CRMP1: variants seen among roughly 807,000 people sequenced by gnomAD.
CRMP1 encodes the protein dihydropyrimidinase-related protein 1.
In CRMP1, 19 loss-of-function variants were observed where a neutral mutation model predicts 68.3. The ratio of observed to expected loss-of-function variants is 0.28; its 90% confidence interval spans 0.19 to 0.41. CRMP1 has a LOEUF of 0.41. Among genes scored for constraint, CRMP1 ranks in the 10% least tolerant of loss-of-function variants. The pLI, the probability that CRMP1 is intolerant of heterozygous loss-of-function variation, is 1.00. For missense variants in CRMP1, 791 were observed against 967.4 expected, an observed-to-expected ratio of 0.82 and a Z score of 2.42; for synonymous variants, 439 against 399.6, an observed-to-expected ratio of 1.10 and a Z score of -1.18.
Position 5,892,011 on chromosome 4 carries a change from G to A in CRMP1, c.381+578C>T, listed in dbSNP as rs1205361152. On this transcript the variant is annotated intron_variant, in intron 1 of 13. Transcript: ENST00000324989. This position sits in a 1 kb window ranked among gnomAD's most constrained non-coding sequence, Gnocchi z 8.6. ...TAGGGGTTTACGGCTCCAACTGCCC[G>A]ACGAACTAAATCCTTAACCAAATCC... 1.3e-5 allele frequency among the ~76,000 whole-genome samples: 2 copies of A among 152,138 alleles called. No homozygotes were observed. Among genetic ancestry groups the A allele is most frequent in the African/African-American group, 2.4e-5 (1 of 41,434 alleles).
chr4:5,851,838 G>A (rs1166534341), intron 4 of CRMP1, among the ~76,000 whole-genome samples: 1 of 150,008 alleles, frequency 6.7e-6, no homozygotes, highest in Non-Finnish European at 1.5e-5. Flanking sequence ...AGAAGGAGAA[G>A]GGGAGGAGGA....
At position 5,820,874 on chromosome 4, in the gene CRMP1, T is replaced by C. The variant is rs1718416943; in HGVS notation, c.*886A>G. On this transcript the variant is annotated 3_prime_UTR_variant, in exon 14 of 14. Transcript: ENST00000324989. ...GTTGGTTGTTAAGTAAAAATGGGAGTGATTACAAAGGAAAACTTTGTACAA... is the reference window on the plus strand; with the variant it reads ...GTTGGTTGTTAAGTAAAAATGGGAGCGATTACAAAGGAAAACTTTGTACAA... 1 of 151,986 alleles carries C rather than the reference T, an allele frequency of 6.6e-6. No individual in the cohort carries two copies. Among genetic ancestry groups the C allele is most frequent in the African/African-American group, 2.4e-5 (1 of 41,326 alleles). The allele number at this position is 151,986 out of a possible 1,614,324, so 9.4% of individuals were successfully genotyped here.
Position 5,828,663 on chromosome 4 carries a change from C to T in CRMP1, c.1629G>A (p.Val543=). 2 of 1,613,458 alleles carry T rather than the reference C, an allele frequency of 1.2e-6. No homozygotes were observed. The highest frequency in any genetic ancestry group is 1.7e-6 in the Non-Finnish European group (2 of 1,179,406). The stretch of plus-strand genomic sequence containing the variant: ...CCATACCCTCGAAGATGTTGTACTC[C>T]ACCGCCTGCACCAACAGCCTCAGTG... ...TITAKSHKSA[V]EYNIFEGMEC... Residue 543 remains valine (V), a synonymous_variant, in exon 12 of 14, where the codon GTG becomes GTA. Coordinates refer to ENST00000324989, the MANE Select transcript of CRMP1 (RefSeq NM_001014809.3).
intron 3 of CRMP1, 43 bp from the exon 4 acceptor site, chr4:5,856,350 G>A: frequency 6.3e-7 from 1 of 1,577,914 alleles, no homozygotes; most frequent in Non-Finnish European, 8.6e-7. Context: ...AGACTCAAGT[G>A]TTCCAATGGT....
intron 12 of CRMP1, 44 bp downstream of exon 12, chr4:5,828,445 C>T (rs1720031834): frequency 1.3e-6 from 2 of 1,598,234 alleles, no homozygotes; most frequent in Middle Eastern, 1.8e-4. Flanking sequence ...ACGCTGTCGG[C>T]TCTGGTCCCA....
rs1308909151 is a variant in CRMP1 at position 5,888,588 on chromosome 4, C to G, written c.381+4001G>C. 5.7e-5 allele frequency: 61 copies of G among 1,069,986 alleles called. No individual in the cohort carries two copies. Among genetic ancestry groups the G allele is most frequent in the Non-Finnish European group, 6.7e-5 (59 of 884,956 alleles). 66.3% of individuals were successfully genotyped at this position (1,069,986 alleles called of 1,614,324 possible). ...GAAGCCGGATTCGCCCCTCTCGGCT[C>G]GAACCAGGAAGCGCTTCCCTTCCGA... On this transcript the variant is annotated intron_variant, in intron 1 of 13. Transcript: ENST00000324989. The surrounding 1 kb of genome is among the most constrained non-coding windows in gnomAD (Gnocchi z 6.4).
At chr4:5,849,543 A>G in intron 5 of CRMP1, 71 bp from the exon 6 acceptor site, 1 of 1,077,524 alleles carries the variant, frequency 9.3e-7, no homozygotes, top group South Asian at 1.3e-5. Flanking sequence ...TGCATTCATG[A>G]AGACCGTTCC....
chr4:5,830,035 A>C (rs533289403), intron 11 of CRMP1, among the ~76,000 whole-genome samples: 1 of 152,206 alleles, frequency 6.6e-6, no homozygotes, highest in East Asian at 1.9e-4. Context: ...TAAACTCCTG[A>C]TCTCAGTTGC....
In CRMP1 at chr4:5,888,698, G is replaced by A; in HGVS notation, c.381+3891C>T. On this transcript the variant is annotated intron_variant, in intron 1 of 13. Transcript: ENST00000324989. This position sits in a 1 kb window ranked among gnomAD's most constrained non-coding sequence, Gnocchi z 6.4. ...CACGCCCTTGGCGGGCCCTGGCCTC[G>A]CTCTCGCGATCCAGAGAGTATGGTT... The A allele has an allele frequency of 1.2e-6, 1 of 848,746 alleles. No homozygotes were observed. Among genetic ancestry groups the A allele is most frequent in the Non-Finnish European group, 1.4e-6 (1 of 711,190 alleles). The allele number at this position is 848,746 out of a possible 1,614,324, so 52.6% of individuals were successfully genotyped here. A position where few individuals can be genotyped will look rare whatever the true frequency, so the allele number is the denominator to read the frequency against.
In CRMP1 at chr4:5,821,710, T is replaced by TG; in HGVS notation, c.*49dup. On this transcript the variant is annotated 3_prime_UTR_variant, in exon 14 of 14. Coordinates refer to ENST00000324989, the MANE Select transcript of CRMP1 (RefSeq NM_001014809.3). This position sits in a 1 kb window ranked among gnomAD's most constrained non-coding sequence, Gnocchi z 4.4. Reference sequence around the variant, plus strand: ...TCAAAAACACTGACAGGAAAAGGGATGGACATGATTCCCAGAATCCTTCAG... The same window carrying TG: ...TCAAAAACACTGACAGGAAAAGGGATGGGACATGATTCCCAGAATCCTTCAG... 6.6e-7 allele frequency: 1 copy of TG among 1,514,732 alleles called. No homozygotes were observed. The allele number at this position is 1,514,732 out of a possible 1,614,324, so 93.8% of individuals were successfully genotyped here.
At chr4:5,845,931 G>A (rs1466741575) in intron 6 of CRMP1, among the ~76,000 whole-genome samples, 3 of 152,132 alleles carry the variant, frequency 2.0e-5, no homozygotes, top group African/African-American at 7.2e-5. Context: ...ACAGCCCCTT[G>A]TTAAGAACTC....
In CRMP1 at chr4:5,843,040, G is replaced by A. The variant is rs79384752; in HGVS notation, c.1032+53C>T. On this transcript the variant is annotated intron_variant, in intron 7 of 13. Transcript: ENST00000324989. The surrounding 1 kb of genome is among the most constrained non-coding windows in gnomAD (Gnocchi z 4.1). Reference sequence around the variant, plus strand: ...CTACTCCAGCTGGAACAGCATCAAGGTGAGTGCTCAGTGGTGAGTGTCAGA... The same window carrying A: ...CTACTCCAGCTGGAACAGCATCAAGATGAGTGCTCAGTGGTGAGTGTCAGA... The A allele has an allele frequency of 9.1e-4, 1,417 of 1,549,470 alleles. 14 individuals are homozygous for A. The African/African-American group carries it at 0.017, about 19-fold the overall frequency.
At chr4:5,847,679 G>A (rs970584668) in intron 6 of CRMP1, among the ~76,000 whole-genome samples, 3 of 152,184 alleles carry the variant, frequency 2.0e-5, no homozygotes, top group African/African-American at 7.2e-5. Flanking sequence ...TAGATCTCCA[G>A]CACTGAACCA....
Position 5,858,428 on chromosome 4 carries a change from T to C in CRMP1, c.656-2121A>G. 6.6e-6 allele frequency among the ~76,000 whole-genome samples: 1 copy of C among 151,598 alleles called. No individual in the cohort carries two copies. Among genetic ancestry groups the C allele is most frequent in the South Asian group, 2.1e-4 (1 of 4,804 alleles). The stretch of plus-strand genomic sequence containing the variant: ...CTCCCCACCCCGACCCCAGCTGTGG[T>C]GGACATCACCAACCAACGGTTCCAC... On this transcript the variant is annotated intron_variant, in intron 3 of 13. Transcript: ENST00000324989. The surrounding 1 kb of genome is among the most constrained non-coding windows in gnomAD (Gnocchi z 5.5).
chr4:5,868,793 A>G (rs1447936967), intron 1 of CRMP1, among the ~76,000 whole-genome samples: 1 of 152,142 alleles, frequency 6.6e-6, no homozygotes, highest in African/African-American at 2.4e-5. Context: ...TGTTAGGCAA[A>G]GTTCTCAGAA....
At position 5,843,843 on chromosome 4, in the gene CRMP1, G is replaced by A. The variant is rs1468080165; in HGVS notation, c.964-682C>T. ...TCTTCCTGGCATCTGTCTTTATGGC[G>A]GGAAACCACTACCTGAAACTTATCA... On this transcript the variant is annotated intron_variant, in intron 6 of 13. Coordinates refer to ENST00000324989, the MANE Select transcript of CRMP1 (RefSeq NM_001014809.3). This position sits in a 1 kb window ranked among gnomAD's most constrained non-coding sequence, Gnocchi z 4.1. Among the ~76,000 whole-genome samples the A allele has an allele frequency of 6.6e-6, 1 of 152,058 alleles. No individual in the cohort carries two copies. The highest frequency in any genetic ancestry group is 1.9e-4 in the East Asian group (1 of 5,192).
Position 5,861,009 on chromosome 4 carries a change from G to A in CRMP1, c.655+17C>T. ...CTCACAGTCTATGTCCCTAAGGCAG[G>A]GGACAGTGTCACTCACTGATCATCG... On this transcript the variant is annotated intron_variant, in intron 3 of 13. Coordinates refer to ENST00000324989, the MANE Select transcript of CRMP1 (RefSeq NM_001014809.3). This position sits in a 1 kb window ranked among gnomAD's most constrained non-coding sequence, Gnocchi z 6.0. 1 of 1,612,408 alleles carries A rather than the reference G, an allele frequency of 6.2e-7. No homozygotes were observed. Among genetic ancestry groups the A allele is most frequent in the Non-Finnish European group, 8.5e-7 (1 of 1,179,346 alleles).
chr4:5,852,932 A>G (rs1462990004), intron 4 of CRMP1, among the ~76,000 whole-genome samples: 1 of 152,100 alleles, frequency 6.6e-6, no homozygotes, highest in Non-Finnish European at 1.5e-5. Context: ...TCACTCACAC[A>G]GCCCCAAGAG....
At chr4:5,851,581 G>A in intron 4 of CRMP1, 112 bp from the exon 5 acceptor site, 2 of 1,066,946 alleles carry the variant, frequency 1.9e-6, no homozygotes, top group African/African-American at 1.6e-5. Context: ...AGAGATGAGT[G>A]CCATTGGGAT....
Sources: gnomAD v4.1 joint callset for allele counts (sites outside exome capture counted in the v4.1 genomes callset) on GRCh38, gnomAD v4.1.1 for gene constraint, Gnocchi (gnomAD v3.1) non-coding constraint, MANE v1.5 for transcripts, NCBI Gene and HGNC (gene_info 2026-07-23, HGNC 2026-07-21) for gene names.